Variants in SHISA9 observed in about 807,000 individuals in gnomAD.
The protein encoded by SHISA9 is shisa family member 9, also known as protein shisa-9.
A neutral mutation model predicts 38.0 loss-of-function variants in SHISA9; 13 were observed. The ratio of observed to expected loss-of-function variants is 0.34; its 90% CI spans 0.22 to 0.54. The LOEUF (loss-of-function observed/expected upper bound fraction) is 0.54. Among genes scored for constraint, SHISA9 ranks in the 20% least tolerant of loss-of-function variants. The pLI, the probability that SHISA9 is intolerant of heterozygous loss-of-function variation, is 0.91. For synonymous variants in SHISA9, 275 were observed against 242.0 expected, an observed-to-expected ratio of 1.14 and a Z score of -1.27; for missense variants, 538 against 575.8, an observed-to-expected ratio of 0.93 and a Z score of 0.67.
chr16:13,218,959 G>C (rs1407474349), intron 4 of SHISA9, among the ~76,000 whole-genome samples: 3 of 152,152 alleles, frequency 2.0e-5, no homozygotes, highest in East Asian at 3.9e-4. Flanking sequence ...TTTGGTTATT[G>C]GTTTGGTCAT....
the SHISA9 span, among the ~76,000 whole-genome samples, chr16:13,551,724 G>A: frequency 7.9e-5 from 12 of 152,058 alleles, no homozygotes; most frequent in Admixed American, 3.9e-4. Flanking sequence ...GAGTGATCAG[G>A]TGAAAAAAAA....
At chr16:13,471,826 A>G in the SHISA9 span, among the ~76,000 whole-genome samples, 1 of 152,330 alleles carries the variant, frequency 6.6e-6, no homozygotes, top group South Asian at 2.1e-4. Context: ...AATCTAAGAT[A>G]TTCCTTACAC....
intron 1 of SHISA9, chr16:12,909,405 T>G (rs1385778823): frequency 4.1e-6 from 4 of 985,306 alleles, no homozygotes; most frequent in Non-Finnish European, 3.6e-6. Context: ...TCTATTCAAG[T>G]GTTTAAAAGT....
chr16:13,015,823 T>TTCTC (rs1166402684), intron 2 of SHISA9, among the ~76,000 whole-genome samples: 1 of 147,858 alleles, frequency 6.8e-6, no homozygotes, highest in Non-Finnish European at 1.5e-5. Flanking sequence ...GTTTGTTTGT[T>TTCTC]TCTCTCTCTC....
At chr16:13,154,704 C>A (rs1596686968) in intron 2 of SHISA9, among the ~76,000 whole-genome samples, 3 of 152,352 alleles carry the variant, frequency 2.0e-5, no homozygotes, top group Admixed American at 2.0e-4. Flanking sequence ...GACCACTAAT[C>A]AGCCTGGCTT....
At chr16:13,095,940 C>T (rs1345569527) in intron 2 of SHISA9, among the ~76,000 whole-genome samples, 1 of 152,164 alleles carries the variant, frequency 6.6e-6, no homozygotes, top group Non-Finnish European at 1.5e-5. Context: ...CCGAGAATTT[C>T]CAGTTGTAGT....
intron 2 of SHISA9, among the ~76,000 whole-genome samples, chr16:13,002,910 A>G (rs1049060560): frequency 6.6e-6 from 1 of 152,186 alleles, no homozygotes; most frequent in African/African-American, 2.4e-5. Flanking sequence ...TTTAATTACA[A>G]TAATGATTTA....
the SHISA9 span, among the ~76,000 whole-genome samples, chr16:13,267,465 T>C: frequency 1.3e-5 from 2 of 152,178 alleles, no homozygotes; most frequent in African/African-American, 4.8e-5. Flanking sequence ...TGTACAGCCC[T>C]TTTGGAAAGC....
At chr16:13,434,702 G>C in the SHISA9 span, among the ~76,000 whole-genome samples, 1 of 152,168 alleles carries the variant, frequency 6.6e-6, no homozygotes, top group African/African-American at 2.4e-5. Flanking sequence ...ACAGGCATGA[G>C]CCACCGTGCC....
chr16:13,307,403 T>C, the SHISA9 span, among the ~76,000 whole-genome samples: 396 of 152,346 alleles, frequency 2.6e-3, 2 homozygotes, highest in African/African-American at 8.8e-3. Context: ...CATCCAGGAA[T>C]GAGGTTTCAC....
chr16:12,964,966 T>C (rs2071958183), intron 2 of SHISA9, among the ~76,000 whole-genome samples: 2 of 152,192 alleles, frequency 1.3e-5, no homozygotes, highest in Non-Finnish European at 1.5e-5. Context: ...TCCTAGTAGA[T>C]GTTTAGGCTG....
At chr16:13,461,606 CTTTTTTTTTTTTTTTAATT>C in the SHISA9 span, among the ~76,000 whole-genome samples, 4 of 128,612 alleles carry the variant, frequency 3.1e-5, no homozygotes, top group Non-Finnish European at 6.5e-5. Flanking sequence ...TATAGACTTT[CTTTTTTTTTTTTTTTAATT>C]TTTTTTTTTT....
chr16:13,043,856 A>G (rs1356185574), intron 2 of SHISA9, among the ~76,000 whole-genome samples: 3 of 152,216 alleles, frequency 2.0e-5, no homozygotes, highest in African/African-American at 4.8e-5. Context: ...CAGTGGATCT[A>G]TTCGTTGTCC....
chr16:13,348,158 T>C, the SHISA9 span, among the ~76,000 whole-genome samples: 1 of 152,204 alleles, frequency 6.6e-6, no homozygotes, highest in East Asian at 1.9e-4. Flanking sequence ...ACAGGTTTAG[T>C]ATCCCATATC....
chr16:13,390,807 T>A, the SHISA9 span, among the ~76,000 whole-genome samples: 30 of 152,340 alleles, frequency 2.0e-4, no homozygotes, highest in Admixed American at 1.6e-3. Flanking sequence ...GAAGATTTCA[T>A]GGGCTGATGA....
intron 2 of SHISA9, among the ~76,000 whole-genome samples, chr16:12,960,832 C>A (rs781361364): frequency 6.6e-6 from 1 of 152,170 alleles, no homozygotes; most frequent in Non-Finnish European, 1.5e-5. Flanking sequence ...CCTATCTCAG[C>A]CCTGTTTTCC....
At chr16:13,512,442 T>C in the SHISA9 span, among the ~76,000 whole-genome samples, 2 of 152,170 alleles carry the variant, frequency 1.3e-5, no homozygotes, top group Non-Finnish European at 2.9e-5. Context: ...AATTAATTTA[T>C]AGATTCAATG....
chr16:13,256,885 A>G, the SHISA9 span, among the ~76,000 whole-genome samples: 1 of 152,212 alleles, frequency 6.6e-6, no homozygotes, highest in Middle Eastern at 3.2e-3. Context: ...AGACCCCTTT[A>G]AGCAGCTGTT....
At chr16:13,265,664 T>G in the SHISA9 span, among the ~76,000 whole-genome samples, 1 of 147,774 alleles carries the variant, frequency 6.8e-6, no homozygotes, top group African/African-American at 2.5e-5. Flanking sequence ...ATTCAACAAA[T>G]ATTCATCGAG....
Sources: gnomAD v4.1 joint callset for allele counts (sites outside exome capture counted in the v4.1 genomes callset) on GRCh38, gnomAD v4.1.1 for gene constraint, MANE v1.5 for transcripts, NCBI Gene and HGNC (gene_info 2026-07-23, HGNC 2026-07-21) for gene names.